Variants in LARGE1 observed in about 807,000 individuals in gnomAD.
The protein encoded by LARGE1 is LARGE xylosyl- and glucuronyltransferase 1.
A neutral mutation model predicts 87.6 loss-of-function variants in LARGE1; 43 were observed. The observed-to-expected ratio is 0.49, with a 90% CI of 0.38 to 0.63. LARGE1 has a LOEUF of 0.63. Ranked by LOEUF, LARGE1 falls within the 30% of genes least tolerant of loss-of-function variation. LARGE1 has a pLI of 0.00. For synonymous variants in LARGE1, 434 were observed against 394.6 expected (o/e 1.10, Z -1.18); for missense variants, 802 against 1,000.2 (o/e 0.80, Z 2.67).
rs142348283 is a variant in LARGE1 at position 33,213,607 on chromosome 22, C to T, written c.1731-46775G>A. 1.1e-4 allele frequency among the ~76,000 whole-genome samples: 16 copies of T among 152,184 alleles called. No individual in the cohort carries two copies. The South Asian group carries it at 2.5e-3, about 24-fold the overall frequency. On this transcript the variant is annotated intron_variant, in intron 11 of 11. Transcript: ENST00000608642. ...CATCAATCATCAAGGCAAGATCATCCGCCAGCAAAAAGACGATGATTCACT... is the reference window on the plus strand; with the variant it reads ...CATCAATCATCAAGGCAAGATCATCTGCCAGCAAAAAGACGATGATTCACT...
Position 33,273,620 on chromosome 22 carries a change from C to G in LARGE1, c.*807G>C. On this transcript the variant is annotated 3_prime_UTR_variant, in exon 15 of 15. Coordinates refer to ENST00000397394, the MANE Select transcript of LARGE1 (RefSeq NM_133642.5). ...CTGGAGAGTAGGGAGTTCAAAGTCA[C>G]GGGAGCCTCGGTGATCATCCTGAAG... 2.5e-6 allele frequency: 1 copy of G among 398,814 alleles called. No individual in the cohort carries two copies. The highest frequency in any genetic ancestry group is 4.4e-6 in the Non-Finnish European group (1 of 226,272). 24.7% of individuals were successfully genotyped at this position (398,814 alleles called of 1,614,324 possible).
chr22:33,871,606 T>C (rs374792933), intron 1 of LARGE1, among the ~76,000 whole-genome samples: 1 of 152,156 alleles, frequency 6.6e-6, no homozygotes, highest in Non-Finnish European at 1.5e-5. Context: ...AATTTCAAGC[T>C]TCTTATTTTA....
At chr22:33,236,792 T>A (rs1926272329) in intron 11 of LARGE1, among the ~76,000 whole-genome samples, 1 of 152,158 alleles carries the variant, frequency 6.6e-6, no homozygotes, top group Non-Finnish European at 1.5e-5. Flanking sequence ...ACCACAGGAA[T>A]TGAGTAGATG....
chr22:33,302,193 T>C (rs1044729744), intron 12 of LARGE1, among the ~76,000 whole-genome samples: 2 of 152,224 alleles, frequency 1.3e-5, no homozygotes, highest in Non-Finnish European at 2.9e-5. Context: ...AAGCCCCGTC[T>C]GGCCACATGG....
chr22:33,844,375 T>C (rs1455407044), intron 1 of LARGE1, among the ~76,000 whole-genome samples: 1 of 152,180 alleles, frequency 6.6e-6, no homozygotes, highest in African/African-American at 2.4e-5. Flanking sequence ...ACAGGGAGTT[T>C]AGTAAAGAGC....
chr22:33,254,262 G>A lies in LARGE1; in HGVS notation c.1730+49967C>T, dbSNP rs151205178. Among the ~76,000 whole-genome samples, 1,395 of 152,266 alleles carry A rather than the reference G, an allele frequency of 9.2e-3. 10 individuals carry two copies. Among genetic ancestry groups the A allele is most frequent in the Non-Finnish European group, 0.013 (906 of 68,022 alleles). On this transcript the variant is annotated intron_variant, in intron 11 of 11. Transcript: ENST00000608642. ...GGGCTAACTAGAAATGGGACATGGT[G>A]TGTGACTGGACTGGGGAGCATGTTT...
intron 11 of LARGE1, among the ~76,000 whole-genome samples, chr22:33,254,232 G>A (rs1402764658): frequency 1.3e-5 from 2 of 152,220 alleles, no homozygotes; most frequent in African/African-American, 2.4e-5. Flanking sequence ...GGGGAAGCTG[G>A]AGGTGGGCTA....
chr22:33,455,382 T>C (rs910266051), intron 6 of LARGE1, among the ~76,000 whole-genome samples: 1 of 152,188 alleles, frequency 6.6e-6, no homozygotes, highest in African/African-American at 2.4e-5. Context: ...TCTAATATTA[T>C]GTACATCTAT....
At chr22:33,525,127 T>C (rs994746507) in intron 6 of LARGE1, among the ~76,000 whole-genome samples, 1 of 152,164 alleles carries the variant, frequency 6.6e-6, no homozygotes, top group Non-Finnish European at 1.5e-5. Context: ...CAAGTGATAA[T>C]TAGGGCACGG....
At chr22:33,436,283 C>A (rs1355701353) in intron 6 of LARGE1, among the ~76,000 whole-genome samples, 1 of 152,206 alleles carries the variant, frequency 6.6e-6, no homozygotes. Context: ...GAACTCTAAG[C>A]ACTGTACATA....
chr22:33,781,338 T>C (rs572827769), intron 1 of LARGE1, among the ~76,000 whole-genome samples: 1 of 151,964 alleles, frequency 6.6e-6, no homozygotes. Context: ...CCATCTCTAC[T>C]AAAAATACAA....
intron 1 of LARGE1, among the ~76,000 whole-genome samples, chr22:33,778,482 C>T (rs1044154460): frequency 1.3e-5 from 2 of 152,156 alleles, no homozygotes; most frequent in Non-Finnish European, 1.5e-5. Flanking sequence ...CCCATTTTCC[C>T]TTACTCCTCG....
At chr22:33,274,693 G>T in intron 14 of LARGE1, 69 bp from the exon 15 acceptor site, 1 of 1,308,294 alleles carries the variant, frequency 7.6e-7, no homozygotes, top group South Asian at 1.2e-5. Flanking sequence ...AGGCCCAAGC[G>T]AATGATTGAA....
chr22:33,418,194 G>A (rs1403602361), intron 7 of LARGE1, among the ~76,000 whole-genome samples: 3 of 152,092 alleles, frequency 2.0e-5, no homozygotes, highest in Admixed American at 6.6e-5. Flanking sequence ...TGATCCACCC[G>A]CCTCGGCCTC....
chr22:33,105,239 A>T, the LARGE1 span: 1 of 151,532 alleles, frequency 6.6e-6, no homozygotes, highest in African/African-American at 2.4e-5. Flanking sequence ...TGACCTCATG[A>T]CCCACCCGCC....
intron 2 of LARGE1, among the ~76,000 whole-genome samples, chr22:33,760,981 C>A (rs1207794691): frequency 6.6e-6 from 1 of 152,030 alleles, no homozygotes; most frequent in Non-Finnish European, 1.5e-5. Flanking sequence ...ACCACCACCA[C>A]CACCACCACC....
At chr22:33,294,515 G>A (rs182871762) in intron 12 of LARGE1, among the ~76,000 whole-genome samples, 2 of 152,292 alleles carry the variant, frequency 1.3e-5, no homozygotes, top group East Asian at 3.9e-4. Flanking sequence ...AGAAACCCTG[G>A]AACAGCACTG....
chr22:33,780,188 T>A (rs571621532), intron 1 of LARGE1, among the ~76,000 whole-genome samples: 1 of 152,328 alleles, frequency 6.6e-6, no homozygotes, highest in East Asian at 1.9e-4. Context: ...TGTAATGGAT[T>A]AAGGACCCAA....
At chr22:33,487,363 A>G (rs910495843) in intron 6 of LARGE1, among the ~76,000 whole-genome samples, 23 of 152,298 alleles carry the variant, frequency 1.5e-4, no homozygotes, top group African/African-American at 5.3e-4. Context: ...TCTCCACTCC[A>G]TGTTGGTGAT....
Sources: gnomAD v4.1 joint callset for allele counts (sites outside exome capture counted in the v4.1 genomes callset) on GRCh38, gnomAD v4.1.1 for gene constraint, MANE v1.5 for transcripts, NCBI Gene and HGNC (gene_info 2026-07-23, HGNC 2026-07-21) for gene names.